EVA1A: variants seen among roughly 807,000 people sequenced by gnomAD.
EVA1A encodes protein eva-1 homolog A.
In EVA1A, 7 loss-of-function variants were observed where a neutral mutation model predicts 9.8. The ratio of observed to expected loss-of-function variants is 0.71; its 90% confidence interval spans 0.41 to 1.34. The LOEUF is 1.34. Among genes scored for constraint, EVA1A ranks in the 40% most tolerant of loss-of-function variants. The pLI, the probability that EVA1A is intolerant of heterozygous loss-of-function variation, is 0.01. For synonymous variants in EVA1A, 90 were observed against 85.6 expected (o/e 1.05, Z -0.28); for missense variants, 206 against 205.9 (o/e 1.00, Z 0.00).
intron 3 of EVA1A, among the ~76,000 whole-genome samples, chr2:75,502,736 T>C (rs147737775): frequency 6.6e-6 from 1 of 152,316 alleles, no homozygotes; most frequent in African/African-American, 2.4e-5. Context: ...GAATAATTCC[T>C]TTATGCTGAT....
chr2:75,528,741 C>A (rs76717567), intron 1 of EVA1A, among the ~76,000 whole-genome samples: 1 of 152,218 alleles, frequency 6.6e-6, no homozygotes, highest in South Asian at 2.1e-4. Context: ...TAGCACCCCC[C>A]ATTGCCTGAG....
At chr2:75,552,987 A>G (rs1558692610) in intron 1 of EVA1A, among the ~76,000 whole-genome samples, 3 of 152,194 alleles carry the variant, frequency 2.0e-5, no homozygotes, top group African/African-American at 7.2e-5. Flanking sequence ...GTAGCTCCCC[A>G]CTATCTTCAA....
chr2:75,546,814 A>G (rs1278847972), intron 1 of EVA1A, among the ~76,000 whole-genome samples: 2 of 151,864 alleles, frequency 1.3e-5, no homozygotes, highest in Admixed American at 6.6e-5. Flanking sequence ...TCAACCCAAT[A>G]TAACTGGTGT....
At chr2:75,526,071 G>A (rs1027966108) in intron 1 of EVA1A, 13 of 152,262 alleles carry the variant, frequency 8.5e-5, no homozygotes, top group Admixed American at 8.5e-4. Context: ...AGCTACTAAG[G>A]AATTGAGAAT....
At chr2:75,501,798 C>T (rs1572946481) in intron 3 of EVA1A, among the ~76,000 whole-genome samples, 1 of 152,150 alleles carries the variant, frequency 6.6e-6, no homozygotes, top group East Asian at 1.9e-4. Flanking sequence ...GGCGAGCTCC[C>T]GTGATTGGCA....
intron 1 of EVA1A, among the ~76,000 whole-genome samples, chr2:75,530,881 T>C (rs552622731): frequency 6.6e-6 from 1 of 151,996 alleles, no homozygotes; most frequent in Non-Finnish European, 1.5e-5. Flanking sequence ...CAATTAAACA[T>C]AGTACTGGAA....
Position 75,514,321 on chromosome 2 carries a change from A to G in EVA1A, c.85+3735T>C, listed in dbSNP as rs564478103. ...TAGATGGGTATATAAAAGAAAGAGCATATTTAAAGAGAAGGACAATATTCT... is the reference window on the plus strand; with the variant it reads ...TAGATGGGTATATAAAAGAAAGAGCGTATTTAAAGAGAAGGACAATATTCT... On this transcript the variant is annotated intron_variant, in intron 3 of 3. Transcript: ENST00000393913. 2.0e-5 allele frequency among the ~76,000 whole-genome samples: 3 copies of G among 152,316 alleles called. No homozygotes were observed. The East Asian group carries it at 5.8e-4, about 29-fold the overall frequency.
At chr2:75,537,047 A>G (rs926704256) in intron 1 of EVA1A, among the ~76,000 whole-genome samples, 4 of 152,314 alleles carry the variant, frequency 2.6e-5, no homozygotes, top group African/African-American at 9.6e-5. Context: ...ATAAAATAAA[A>G]ACAATCCTTA....
intron 1 of EVA1A, chr2:75,526,211 A>G (rs1479225568): frequency 6.6e-6 from 1 of 152,226 alleles, no homozygotes; most frequent in African/African-American, 2.4e-5. Flanking sequence ...TGCAAACAGA[A>G]TCAAATGTAA....
intron 2 of EVA1A, among the ~76,000 whole-genome samples, chr2:75,520,178 G>C (rs1675185707): frequency 6.6e-6 from 1 of 152,030 alleles, no homozygotes; most frequent in East Asian, 1.9e-4. Flanking sequence ...CCCCCAAGTA[G>C]AGCAAGCTCT....
chr2:75,493,442 C>T lies in EVA1A; in HGVS notation c.253G>A (p.Glu85Lys). Residue 85 changes from glutamate (E) to lysine (K), a missense_variant, in exon 4 of 4, where the codon GAG (glutamate) becomes AAG (lysine). Transcript: ENST00000393913. ...GACACGGTGTCCTCACTGCCATCCT[C>T]GCTGTCGCTGCTGTCGCTGCTGCTC... is the stretch of plus-strand genomic sequence containing the variant. ...RESSSDSSDS[E>K]DGSEDTVSDL... is the part of the protein sequence containing the mutation. The T allele has an allele frequency of 6.2e-7, 1 of 1,614,186 alleles. No homozygotes were observed. Among genetic ancestry groups the T allele is most frequent in the Non-Finnish European group, 8.5e-7 (1 of 1,180,030 alleles).
chr2:75,505,811 GA>G (rs1032749902), intron 3 of EVA1A, among the ~76,000 whole-genome samples: 10 of 143,822 alleles, frequency 7.0e-5, no homozygotes, highest in East Asian at 2.0e-4. Flanking sequence ...CTCTGTCTCA[GA>G]AAAAAAAAAG....
chr2:75,516,330 C>T (rs150137532), intron 3 of EVA1A, among the ~76,000 whole-genome samples: 8 of 152,322 alleles, frequency 5.3e-5, no homozygotes, highest in Middle Eastern at 6.8e-3. Flanking sequence ...ACTGAGTCTA[C>T]ACACTGCATC....
rs189663580 is a variant in EVA1A, at chr2:75,542,656, C to G, written c.-192+18024G>C. ...CATAATCACTCCCTCTTTTGGACTC[C>G]TGCAACCCTGTGTGCCACTCTTTCG... On this transcript the variant is annotated intron_variant, in intron 1 of 3. Transcript: ENST00000393913. The G allele has an allele frequency of 3.3e-5, 5 of 152,444 alleles. No homozygotes were observed. In the East Asian group the frequency reaches 9.7e-4, roughly 29 times the overall value. The allele number at this position is 152,444 out of a possible 1,614,324, so 9.4% of individuals were successfully genotyped here.
intron 1 of EVA1A, chr2:75,542,418 G>A (rs1047057605): frequency 6.6e-6 from 1 of 152,262 alleles, no homozygotes; most frequent in Non-Finnish European, 1.5e-5. Flanking sequence ...AGCGCTTCAT[G>A]AGTTCTTCCC....
intron 3 of EVA1A, among the ~76,000 whole-genome samples, chr2:75,516,499 C>T (rs183449826): frequency 2.0e-5 from 3 of 152,282 alleles, no homozygotes; most frequent in Admixed American, 6.5e-5. Context: ...GAGAGAAAAA[C>T]AGGGCCATGT....
chr2:75,507,284 C>A (rs995103161), intron 3 of EVA1A, among the ~76,000 whole-genome samples: 3 of 152,184 alleles, frequency 2.0e-5, no homozygotes, highest in Non-Finnish European at 4.4e-5. Context: ...CAGCCTGTAA[C>A]CAAGACACTA....
intron 3 of EVA1A, among the ~76,000 whole-genome samples, chr2:75,511,289 C>T (rs950197731): frequency 1.3e-5 from 2 of 152,144 alleles, no homozygotes; most frequent in African/African-American, 4.8e-5. Context: ...CTTTGGGGCA[C>T]TTACTCTACA....
At chr2:75,502,709 C>A (rs796676386) in intron 3 of EVA1A, among the ~76,000 whole-genome samples, 1 of 152,286 alleles carries the variant, frequency 6.6e-6, no homozygotes, top group South Asian at 2.1e-4. Flanking sequence ...CTGAATGCTT[C>A]TCTTTGCCAA....
Sources: allele counts gnomAD v4.1 joint callset (sites outside exome capture counted in the v4.1 genomes callset), GRCh38; gene constraint gnomAD v4.1.1; transcripts MANE v1.5; gene names NCBI Gene and HGNC (gene_info 2026-07-23, HGNC 2026-07-21).